The following SLC9A8 variants were observed in gnomAD, a reference collection of about 807,000 sequenced individuals.
SLC9A8 encodes sodium/hydrogen exchanger 8.
In SLC9A8, 48 loss-of-function variants were observed where a neutral mutation model predicts 66.6. That is an observed-to-expected ratio of 0.72 (90% CI 0.57 to 0.92). SLC9A8 has a LOEUF of 0.92. Among genes scored for constraint, SLC9A8 ranks in the 40% least tolerant of loss-of-function variants. The pLI is 0.00. For missense variants in SLC9A8, 599 were observed against 747.3 expected, an observed-to-expected ratio of 0.80 and a Z score of 2.31; for synonymous variants, 274 against 282.6, an observed-to-expected ratio of 0.97 and a Z score of 0.31.
intron 8 of SLC9A8, among the ~76,000 whole-genome samples, chr20:49,860,708 G>A (rs1451391778): frequency 2.0e-5 from 3 of 152,206 alleles, no homozygotes; most frequent in South Asian, 2.1e-4. Context: ...GCAACAGAGC[G>A]AGACTCCATC....
At chr20:49,855,921 C>G (rs964970266) in intron 8 of SLC9A8, among the ~76,000 whole-genome samples, 4 of 152,180 alleles carry the variant, frequency 2.6e-5, no homozygotes, top group Middle Eastern at 3.2e-3. Context: ...TCCCGAGTAG[C>G]TGGGACTTAC....
intron 10 of SLC9A8, among the ~76,000 whole-genome samples, chr20:49,869,313 A>G (rs781499760): frequency 3.3e-5 from 5 of 152,008 alleles, no homozygotes; most frequent in Non-Finnish European, 5.9e-5. Flanking sequence ...TCTGCCTCCC[A>G]GGTTCAAGCA....
At chr20:49,817,334 A>G (rs773515955) in intron 2 of SLC9A8, among the ~76,000 whole-genome samples, 5 of 151,650 alleles carry the variant, frequency 3.3e-5, no homozygotes, top group Non-Finnish European at 7.4e-5. Context: ...CCCCAAAAAA[A>G]CAAAAACAAA....
intron 1 of SLC9A8, among the ~76,000 whole-genome samples, chr20:49,813,469 T>G (rs969602237): frequency 2.6e-5 from 4 of 152,174 alleles, no homozygotes; most frequent in Non-Finnish European, 5.9e-5. Context: ...GAGCTTCCAT[T>G]CTAGTGGGAA....
intron 4 of SLC9A8, among the ~76,000 whole-genome samples, chr20:49,842,870 A>T (rs2087824383): frequency 6.6e-6 from 1 of 152,180 alleles, no homozygotes; most frequent in African/African-American, 2.4e-5. Context: ...CTAGAAAAGA[A>T]TTCTTCATTG....
chr20:49,879,607 T>C (rs7266852), intron 12 of SLC9A8, among the ~76,000 whole-genome samples: 36,545 of 152,008 alleles, frequency 0.24, 4,637 homozygotes, highest in Non-Finnish European at 0.29. Flanking sequence ...GGTGGATCAC[T>C]TGAGGTCAGC....
chr20:49,812,950 T>C lies in SLC9A8; in HGVS notation c.26+2T>C. On this transcript the variant is annotated splice_donor_variant, in intron 1 of 15. Coordinates refer to ENST00000361573, the MANE Select transcript of SLC9A8 (RefSeq NM_015266.3). LOFTEE classifies it high-confidence loss of function. ...GGGGGAGAAGATGGCGGAAGAGGAG[T>C]GAGTGGGCTTTTTCCCGGGCGGCGG... The C allele has an allele frequency of 2.1e-6, 3 of 1,428,624 alleles. No individual in the cohort carries two copies. Among genetic ancestry groups the C allele is most frequent in the South Asian group, 1.4e-5 (1 of 72,472 alleles). The allele number at this position is 1,428,624 out of a possible 1,614,324, so 88.5% of individuals were successfully genotyped here.
chr20:49,859,025 G>A (rs1441228922), intron 8 of SLC9A8, among the ~76,000 whole-genome samples: 1 of 152,000 alleles, frequency 6.6e-6, no homozygotes, highest in Non-Finnish European at 1.5e-5. Flanking sequence ...TGGATCTGTG[G>A]AGCATGCATG....
At chr20:49,883,006 C>T (rs1212100691) in intron 13 of SLC9A8, among the ~76,000 whole-genome samples, 1 of 129,008 alleles carries the variant, frequency 7.8e-6, no homozygotes, top group Non-Finnish European at 1.7e-5. Flanking sequence ...ATGCCCCCCC[C>T]CACCCCCCAC....
chr20:49,866,599 T>C (rs766050387), intron 10 of SLC9A8, among the ~76,000 whole-genome samples: 3 of 152,182 alleles, frequency 2.0e-5, no homozygotes, highest in Non-Finnish European at 4.4e-5. Flanking sequence ...GTGTGGTTAT[T>C]TTTATATTCG....
chr20:49,812,918 G>C lies in SLC9A8; in HGVS notation c.-5G>C. 1.3e-6 allele frequency: 2 copies of C among 1,485,252 alleles called. No homozygotes were observed. Among genetic ancestry groups the C allele is most frequent in the Admixed American group, 2.3e-5 (1 of 43,764 alleles). The allele number at this position is 1,485,252 out of a possible 1,614,324, so 92.0% of individuals were successfully genotyped here. ...CGAACTCGGTGGTCCTGGAAGCTCC[G>C]CAGGATGGGGGAGAAGATGGCGGAA... On this transcript the variant is annotated 5_prime_UTR_variant, in exon 1 of 16. Coordinates refer to ENST00000361573, the MANE Select transcript of SLC9A8 (RefSeq NM_015266.3).
intron 2 of SLC9A8, among the ~76,000 whole-genome samples, chr20:49,816,070 C>G (rs1027045861): frequency 1.3e-5 from 2 of 152,168 alleles, no homozygotes; most frequent in Non-Finnish European, 1.5e-5. Flanking sequence ...TATGTACCAC[C>G]TGTATTGTTA....
chr20:49,851,328 C>T (rs1278765118), intron 7 of SLC9A8, among the ~76,000 whole-genome samples: 1 of 152,162 alleles, frequency 6.6e-6, no homozygotes, highest in African/African-American at 2.4e-5. Flanking sequence ...CCATCTGAAG[C>T]CACTCCCGTG....
chr20:49,873,959 G>A (rs1252783753), intron 10 of SLC9A8, among the ~76,000 whole-genome samples: 2 of 151,350 alleles, frequency 1.3e-5, no homozygotes, highest in African/African-American at 2.4e-5. Context: ...TTATACAAAC[G>A]GTGCAGTTGG....
chr20:49,828,282 A>C (rs931579992), intron 3 of SLC9A8, among the ~76,000 whole-genome samples: 1 of 151,712 alleles, frequency 6.6e-6, no homozygotes, highest in Non-Finnish European at 1.5e-5. Flanking sequence ...GGGTTTCACC[A>C]TGTTAGCCAG....
At chr20:49,842,841 A>G (rs1412680410) in intron 4 of SLC9A8, among the ~76,000 whole-genome samples, 2 of 152,226 alleles carry the variant, frequency 1.3e-5, no homozygotes, top group Non-Finnish European at 2.9e-5. Flanking sequence ...CAACAGGACC[A>G]GGTTCCCTCC....
At chr20:49,839,668 C>A in intron 4 of SLC9A8, 69 bp downstream of exon 4, 1 of 987,138 alleles carries the variant, frequency 1.0e-6, no homozygotes, top group Non-Finnish European at 1.6e-6. Context: ...TTTGTAATTA[C>A]TTGGCTATCA....
intron 11 of SLC9A8, 53 bp downstream of exon 11, chr20:49,874,874 C>A: frequency 8.2e-7 from 1 of 1,215,078 alleles, no homozygotes; most frequent in Non-Finnish European, 1.2e-6. Context: ...GCTGATCTTG[C>A]TTCCTTATCC....
At chr20:49,854,372 C>T (rs986276638) in intron 7 of SLC9A8, among the ~76,000 whole-genome samples, 7 of 151,948 alleles carry the variant, frequency 4.6e-5, no homozygotes, top group Non-Finnish European at 7.4e-5. Context: ...TTGCTCCCAC[C>T]GCAGGAGTCG....
Sources: gnomAD v4.1 joint callset for allele counts (sites outside exome capture counted in the v4.1 genomes callset) on GRCh38, gnomAD v4.1.1 for gene constraint, MANE v1.5 for transcripts, NCBI Gene and HGNC (gene_info 2026-07-23, HGNC 2026-07-21) for gene names.